The following GNG7 variants were observed in gnomAD, a reference collection of about 807,000 sequenced individuals.
The protein encoded by GNG7 is G protein subunit gamma 7.
Under a neutral mutation model 4.0 loss-of-function variants are expected in GNG7, and 1 was observed. That is an observed-to-expected ratio of 0.25 (90% CI 0.09 to 1.18). GNG7 has a LOEUF of 1.18. GNG7 is among the 50% of genes most tolerant of loss of function. The pLI is 0.50. For missense variants in GNG7, 86 were observed against 91.9 expected, an observed-to-expected ratio of 0.94 and a Z score of 0.26; for synonymous variants, 34 against 36.9, an observed-to-expected ratio of 0.92 and a Z score of 0.29.
intron 2 of GNG7, among the ~76,000 whole-genome samples, chr19:2,559,755 G>A (rs889782335): frequency 3.3e-5 from 5 of 152,124 alleles, no homozygotes; most frequent in Middle Eastern, 3.4e-3. Context: ...CTCGTGATCC[G>A]CCTGCCTCAG....
At position 2,694,920 on chromosome 19, in the gene GNG7, T is replaced by C. The variant is rs567239815; in HGVS notation, c.-135+7726A>G. On this transcript the variant is annotated intron_variant, in intron 1 of 4. Coordinates refer to ENST00000382159, the MANE Select transcript of GNG7 (RefSeq NM_052847.3). ...CCCAGGACAGCCCTGCCCCAGAAAATGACCCTACTCAGGCCATCACAGGGT... is the reference window on the plus strand; with the variant it reads ...CCCAGGACAGCCCTGCCCCAGAAAACGACCCTACTCAGGCCATCACAGGGT... Among the ~76,000 whole-genome samples the C allele has an allele frequency of 2.0e-5, 3 of 151,970 alleles. No homozygotes were observed. The East Asian group carries it at 5.8e-4, about 29-fold the overall frequency.
At chr19:2,673,285 A>C (rs934536672) in intron 1 of GNG7, among the ~76,000 whole-genome samples, 7 of 150,498 alleles carry the variant, frequency 4.7e-5, no homozygotes, top group South Asian at 2.1e-4. Context: ...AAACAAAACA[A>C]AACAAAAAAA....
At chr19:2,691,770 G>A (rs1913140558) in intron 1 of GNG7, among the ~76,000 whole-genome samples, 1 of 151,572 alleles carries the variant, frequency 6.6e-6, no homozygotes, top group Non-Finnish European at 1.5e-5. Context: ...GGGAGGCTGA[G>A]GCAGGAGAAT....
At chr19:2,523,713 C>T (rs187102727) in intron 3 of GNG7, among the ~76,000 whole-genome samples, 84 of 152,220 alleles carry the variant, frequency 5.5e-4, no homozygotes, top group African/African-American at 1.9e-3. Flanking sequence ...GCGATCCTGC[C>T]CATAGCTTTA....
chr19:2,548,662 G>A (rs569418178), intron 3 of GNG7, among the ~76,000 whole-genome samples: 40 of 151,826 alleles, frequency 2.6e-4, no homozygotes, highest in Admixed American at 9.2e-4. Context: ...GGTGGCGCTC[G>A]TCTGAAATTC....
At chr19:2,681,676 T>G (rs1231352820) in intron 1 of GNG7, among the ~76,000 whole-genome samples, 1 of 152,170 alleles carries the variant, frequency 6.6e-6, no homozygotes, top group Non-Finnish European at 1.5e-5. Context: ...TGTAACCACT[T>G]CAGGAACTGC....
At chr19:2,523,672 G>A (rs1435156057) in intron 3 of GNG7, among the ~76,000 whole-genome samples, 1 of 152,118 alleles carries the variant, frequency 6.6e-6, no homozygotes, top group Non-Finnish European at 1.5e-5. Flanking sequence ...TGGAACCTGA[G>A]TGAGGCTGGT....
intron 1 of GNG7, among the ~76,000 whole-genome samples, chr19:2,680,144 C>CTTTTTTT: frequency 8.4e-6 from 1 of 119,010 alleles, no homozygotes; most frequent in Non-Finnish European, 1.7e-5. Context: ...GACCTTGTCT[C>CTTTTTTT]TTTTTTTTTT....
chr19:2,691,542 T>C (rs796406170), intron 1 of GNG7, among the ~76,000 whole-genome samples: 5 of 150,300 alleles, frequency 3.3e-5, no homozygotes, highest in African/African-American at 1.2e-4. Context: ...AGACTCTGTC[T>C]CAAAAAAAAT....
intron 1 of GNG7, among the ~76,000 whole-genome samples, chr19:2,659,972 C>A (rs567339856): frequency 6.6e-6 from 1 of 151,998 alleles, no homozygotes; most frequent in Admixed American, 6.6e-5. Context: ...CAATGTAATA[C>A]CATGAGGATC....
chr19:2,575,771 G>A (rs1310131554), intron 2 of GNG7, among the ~76,000 whole-genome samples: 5 of 103,736 alleles, frequency 4.8e-5, no homozygotes, highest in Non-Finnish European at 7.4e-5. Flanking sequence ...GCAGGCACAC[G>A]CAGGCACATG....
At chr19:2,552,292 G>C (rs750741206) in intron 3 of GNG7, among the ~76,000 whole-genome samples, 31 of 152,164 alleles carry the variant, frequency 2.0e-4, no homozygotes, top group Non-Finnish European at 3.4e-4. Flanking sequence ...AACAGAGAGA[G>C]ACTCTGTCTC....
At chr19:2,654,308 G>A (rs1056271608) in intron 1 of GNG7, among the ~76,000 whole-genome samples, 17 of 150,642 alleles carry the variant, frequency 1.1e-4, no homozygotes, top group Non-Finnish European at 7.4e-5. Context: ...TCCTAGACAC[G>A]ATCCGAAACA....
intron 2 of GNG7, among the ~76,000 whole-genome samples, chr19:2,607,678 G>A (rs1981434232): frequency 6.6e-6 from 1 of 151,756 alleles, no homozygotes; most frequent in South Asian, 2.1e-4. Flanking sequence ...ACCCACTTGG[G>A]GCCAGTCTGC....
At chr19:2,686,873 T>A (rs1983885697) in intron 1 of GNG7, among the ~76,000 whole-genome samples, 1 of 150,750 alleles carries the variant, frequency 6.6e-6, no homozygotes, top group Non-Finnish European at 1.5e-5. Flanking sequence ...TGCCTCAGCC[T>A]CCTGAGTAGC....
rs1035087151 is a variant in GNG7, at chr19:2,653,808, C to A, written c.-134-7528G>T. 1.3e-5 allele frequency among the ~76,000 whole-genome samples: 2 copies of A among 152,222 alleles called. No homozygotes were observed. The highest frequency in any genetic ancestry group is 2.9e-5 in the Non-Finnish European group (2 of 68,042). On this transcript the variant is annotated intron_variant, in intron 1 of 4. Coordinates refer to ENST00000382159, the MANE Select transcript of GNG7 (RefSeq NM_052847.3). This position sits in a 1 kb window ranked among gnomAD's most constrained non-coding sequence, Gnocchi z 4.8. Reference sequence around the variant, plus strand: ...AGGCCCAGGGCCCGTGTCCCCTCCTCACTCAGCCCTCCTATCCACAGGTGA... The same window carrying A: ...AGGCCCAGGGCCCGTGTCCCCTCCTAACTCAGCCCTCCTATCCACAGGTGA...
chr19:2,556,671 AG>A (rs1436086751), intron 2 of GNG7, among the ~76,000 whole-genome samples: 1 of 152,100 alleles, frequency 6.6e-6, no homozygotes, highest in Admixed American at 6.5e-5. Context: ...CCAGCTGGGG[AG>A]GCCGAGTCCC....
At chr19:2,517,111 G>A (rs560881949) in intron 4 of GNG7, 17 of 152,394 alleles carry the variant, frequency 1.1e-4, no homozygotes, top group African/African-American at 3.6e-4. Context: ...ATCACAGGGG[G>A]AGGATTAGAT....
In GNG7 at chr19:2,618,538, G is replaced by A. The variant is rs887014835; in HGVS notation, c.-78+27686C>T. On this transcript the variant is annotated intron_variant, in intron 2 of 4. Transcript: ENST00000382159. This position sits in a 1 kb window ranked among gnomAD's most constrained non-coding sequence, Gnocchi z 5.1. ...TAATTTTTGTATTTTCAGTGGAGAC[G>A]GGGTTTCGCCATGTTGTCCAGGCTG... is the stretch of plus-strand genomic sequence containing the variant. Among the ~76,000 whole-genome samples the A allele has an allele frequency of 9.2e-5, 14 of 151,772 alleles. No individual in the cohort carries two copies. The highest frequency in any genetic ancestry group is 3.3e-4 in the Admixed American group (5 of 15,230).
Sources: gnomAD v4.1 joint callset for allele counts (sites outside exome capture counted in the v4.1 genomes callset) on GRCh38, gnomAD v4.1.1 for gene constraint, Gnocchi (gnomAD v3.1) non-coding constraint, MANE v1.5 for transcripts, NCBI Gene and HGNC (gene_info 2026-07-23, HGNC 2026-07-21) for gene names.